Variants in ABLIM2 observed in about 807,000 individuals in gnomAD.
The protein encoded by ABLIM2 is actin binding LIM protein family member 2, also known as actin-binding LIM protein 2.
A neutral mutation model predicts 97.7 loss-of-function variants in ABLIM2; 53 were observed. The observed-to-expected ratio is 0.54, with a 90% CI of 0.44 to 0.68. The LOEUF (loss-of-function observed/expected upper bound fraction) is 0.68. Ranked by LOEUF, ABLIM2 falls within the 30% of genes least tolerant of loss-of-function variation. The pLI is 0.00. For synonymous variants in ABLIM2, 361 were observed against 345.8 expected (o/e 1.04, Z -0.49); for missense variants, 835 against 867.2 (o/e 0.96, Z 0.47).
At chr4:7,968,507 C>T (rs781205090) in intron 20 of ABLIM2, among the ~76,000 whole-genome samples, 17 of 152,318 alleles carry the variant, frequency 1.1e-4, no homozygotes, top group Admixed American at 2.0e-4. Flanking sequence ...CTTAAAAGGT[C>T]GTGAAGTTCC....
In ABLIM2 at chr4:8,044,832, T is replaced by G. The variant is rs1791240540; in HGVS notation, c.900+332A>C. ...CTCTGCAGGGTCCCGCCTGGGTGTC[T>G]GGCAAGCCCCAACTGTCGGCTGTTG... On this transcript the variant is annotated intron_variant, in intron 9 of 20. Coordinates refer to ENST00000447017, the MANE Select transcript of ABLIM2 (RefSeq NM_001130083.2). This position sits in a 1 kb window ranked among gnomAD's most constrained non-coding sequence, Gnocchi z 4.4. Among the ~76,000 whole-genome samples, 1 of 152,192 alleles carries G rather than the reference T, an allele frequency of 6.6e-6. No individual in the cohort carries two copies. Among genetic ancestry groups the G allele is most frequent in the African/African-American group, 2.4e-5 (1 of 41,446 alleles).
At chr4:8,086,431 T>C (rs12640369) in intron 4 of ABLIM2, among the ~76,000 whole-genome samples, 6,609 of 149,602 alleles carry the variant, frequency 0.044, 271 homozygotes, top group East Asian at 0.14. Context: ...CACTGCAATC[T>C]CTGCCTCCCA....
intron 9 of ABLIM2, among the ~76,000 whole-genome samples, chr4:8,040,594 G>A (rs1560870853): frequency 6.7e-6 from 1 of 148,972 alleles, no homozygotes; most frequent in Non-Finnish European, 1.5e-5. Flanking sequence ...CTGGGCGACA[G>A]AGCGAGACTC....
At position 8,061,697 on chromosome 4, in the gene ABLIM2, G is replaced by T. The variant is rs79415452; in HGVS notation, c.676-643C>A. Among the ~76,000 whole-genome samples, 3 of 151,126 alleles carry T rather than the reference G, an allele frequency of 2.0e-5. No homozygotes were observed. In the East Asian group the frequency reaches 5.8e-4, roughly 29 times the overall value. On this transcript the variant is annotated intron_variant, in intron 6 of 20. Transcript: ENST00000447017. This position sits in a 1 kb window ranked among gnomAD's most constrained non-coding sequence, Gnocchi z 4.5. ...CCCGAAATGCTCCCTTTACCCCCAC[G>T]TTCCAGCACACACTTCCTACCCTGA...
At chr4:8,099,344 C>G (rs1833312994) in intron 2 of ABLIM2, among the ~76,000 whole-genome samples, 1 of 152,162 alleles carries the variant, frequency 6.6e-6, no homozygotes, top group Admixed American at 6.5e-5. Flanking sequence ...TTCTGTATTT[C>G]TCTATTCTTC....
In ABLIM2 at chr4:8,120,670, T is replaced by C. The variant is rs905336192; in HGVS notation, c.11-14033A>G. Among the ~76,000 whole-genome samples, 3 of 152,148 alleles carry C rather than the reference T, an allele frequency of 2.0e-5. No homozygotes were observed. The highest frequency in any genetic ancestry group is 7.2e-5 in the African/African-American group (3 of 41,444). On this transcript the variant is annotated intron_variant, in intron 1 of 20. Coordinates refer to ENST00000447017, the MANE Select transcript of ABLIM2 (RefSeq NM_001130083.2). This position sits in a 1 kb window ranked among gnomAD's most constrained non-coding sequence, Gnocchi z 5.6. ...ATCTGTGTGCTCTGTCGTGGGAGCA[T>C]GGGAAACCAGCAGGAGCACTTCTCA...
At chr4:8,099,273 C>T (rs957784292) in intron 2 of ABLIM2, among the ~76,000 whole-genome samples, 1 of 152,244 alleles carries the variant, frequency 6.6e-6, no homozygotes, top group Non-Finnish European at 1.5e-5. Context: ...ATGTCAGCGC[C>T]ACCTGCCCCA....
chr4:8,090,003 T>C (rs1826269093), intron 3 of ABLIM2, among the ~76,000 whole-genome samples: 1 of 152,152 alleles, frequency 6.6e-6, no homozygotes. Context: ...CACCCACCTG[T>C]GGGGCTGGCA....
intron 1 of ABLIM2, among the ~76,000 whole-genome samples, chr4:8,107,204 A>C (rs1837896026): frequency 6.6e-6 from 1 of 152,248 alleles, no homozygotes; most frequent in Non-Finnish European, 1.5e-5. Context: ...TAAAGCCACC[A>C]CAGTACAGGA....
chr4:7,977,932 C>A (rs181791066), intron 20 of ABLIM2, among the ~76,000 whole-genome samples: 14 of 152,168 alleles, frequency 9.2e-5, no homozygotes, highest in African/African-American at 3.1e-4. Context: ...CCCTCTTGAT[C>A]CAAAATAGGA....
At chr4:8,039,507 T>A (rs1786727071) in intron 9 of ABLIM2, among the ~76,000 whole-genome samples, 1 of 152,204 alleles carries the variant, frequency 6.6e-6, no homozygotes, top group African/African-American at 2.4e-5. Context: ...GTGGTTGCCA[T>A]GACAACGGGC....
At chr4:8,078,453 C>G (rs911082671) in intron 5 of ABLIM2, among the ~76,000 whole-genome samples, 3 of 152,254 alleles carry the variant, frequency 2.0e-5, no homozygotes, top group Non-Finnish European at 4.4e-5. Context: ...CTCCGAGTCT[C>G]CATAAATGAG....
intron 4 of ABLIM2, 48 bp downstream of exon 4, chr4:8,088,121 C>T (rs750370237): frequency 3.5e-6 from 3 of 861,912 alleles, no homozygotes; most frequent in East Asian, 5.3e-5. Context: ...TAGCACCCCC[C>T]ACTCAGCATG....
rs1042792124 is a variant in ABLIM2 at position 8,120,663 on chromosome 4, G to C, written c.11-14026C>G. ...AGCCCCCATCTGTGTGCTCTGTCGT[G>C]GGAGCATGGGAAACCAGCAGGAGCA... On this transcript the variant is annotated intron_variant, in intron 1 of 20. Transcript: ENST00000447017. This position sits in a 1 kb window ranked among gnomAD's most constrained non-coding sequence, Gnocchi z 5.6. 6.6e-6 allele frequency among the ~76,000 whole-genome samples: 1 copy of C among 152,162 alleles called. No individual in the cohort carries two copies.
rs1207072977 is a variant in ABLIM2 at position 8,004,469 on chromosome 4, G to C, written c.1618+3590C>G. Among the ~76,000 whole-genome samples the C allele has an allele frequency of 6.6e-6, 1 of 152,158 alleles. No individual in the cohort carries two copies. The highest frequency in any genetic ancestry group is 1.5e-5 in the Non-Finnish European group (1 of 68,034). ...GGAGGAAAGGGTCTTATTCCCTTCG[G>C]AAGTGCTGGGTCCTTTCTAGGGGCC... is the stretch of plus-strand genomic sequence containing the variant. On this transcript the variant is annotated intron_variant, in intron 16 of 20. Transcript: ENST00000447017. This position sits in a 1 kb window ranked among gnomAD's most constrained non-coding sequence, Gnocchi z 5.9.
At chr4:8,158,036 G>T (rs1314642426) in intron 1 of ABLIM2, among the ~76,000 whole-genome samples, 1 of 152,268 alleles carries the variant, frequency 6.6e-6, no homozygotes, top group African/African-American at 2.4e-5. Flanking sequence ...GATTTTTCCA[G>T]CCCCGCACAG....
At chr4:8,086,056 G>A (rs1823394930) in intron 4 of ABLIM2, among the ~76,000 whole-genome samples, 1 of 152,306 alleles carries the variant, frequency 6.6e-6, no homozygotes, top group South Asian at 2.1e-4. Context: ...TGGGAAGACT[G>A]CAGACATCCA....
In ABLIM2 at chr4:8,027,821, G is replaced by C. The variant is rs750073535; in HGVS notation, c.1205C>G (p.Ser402Cys). ...TVSVGTSSCL[S>C]LSQHPSPTSV... Reference sequence around the variant, plus strand: ...TGTAGGGCTTGGGTGTTGGGACAGGGAGAGGCAGCTACTGGTACCCACACT... The same window carrying C: ...TGTAGGGCTTGGGTGTTGGGACAGGCAGAGGCAGCTACTGGTACCCACACT... The change falls in exon 12 of 21, where the codon TCC becomes TGC. Residue 402 changes from serine to cysteine, a missense_variant. By Grantham distance (112) the Ser-to-Cys change is moderately radical (BLOSUM62 -1). Transcript: ENST00000447017. The C allele has an allele frequency of 6.2e-7, 1 of 1,601,798 alleles. No homozygotes were observed. Among genetic ancestry groups the C allele is most frequent in the Admixed American group, 1.7e-5 (1 of 58,186 alleles).
Position 8,001,718 on chromosome 4 carries a change from C to T in ABLIM2, c.1618+6341G>A, listed in dbSNP as rs113728862. Among the ~76,000 whole-genome samples, 1,919 of 152,244 alleles carry T rather than the reference C, an allele frequency of 0.013. 41 individuals carry two copies. The highest frequency in any genetic ancestry group is 0.044 in the African/African-American group (1,811 of 41,548). ...CACTAGCTGGATGCCAAGGTGGCCA[C>T]GCCTGAGCCCCCAGCTCTCCCTGGG... On this transcript the variant is annotated intron_variant, in intron 16 of 20. Transcript: ENST00000447017. The surrounding 1 kb of genome is among the most constrained non-coding windows in gnomAD (Gnocchi z 4.2).
Sources: allele counts gnomAD v4.1 joint callset (sites outside exome capture counted in the v4.1 genomes callset), GRCh38; gene constraint gnomAD v4.1.1; non-coding constraint Gnocchi (gnomAD v3.1); transcripts MANE v1.5; gene names NCBI Gene and HGNC (gene_info 2026-07-23, HGNC 2026-07-21).